The following ZSCAN1 variants were observed in gnomAD, a reference collection of about 807,000 sequenced individuals.
ZSCAN1 encodes zinc finger and SCAN domain containing 1, also known as zinc finger and SCAN domain-containing protein 1.
Under a neutral mutation model 23.8 loss-of-function variants are expected in ZSCAN1, and 23 were observed. The ratio of observed to expected loss-of-function variants is 0.97; its 90% CI spans 0.70 to 1.37. ZSCAN1 has a LOEUF of 1.37. ZSCAN1 is among the 40% of genes most tolerant of loss of function. The probability of loss-of-function intolerance (pLI) is 0.00; values close to 1 mark genes in which losing one functional copy is unlikely to be tolerated. For missense variants in ZSCAN1, 575 were observed against 554.0 expected (o/e 1.04, Z -0.38); for synonymous variants, 236 against 232.3 (o/e 1.02, Z -0.15).
intron 4 of ZSCAN1, among the ~76,000 whole-genome samples, chr19:58,050,350 C>T (rs1005344429): frequency 3.3e-5 from 5 of 151,492 alleles, no homozygotes; most frequent in South Asian, 2.1e-4. Context: ...GCATAAGAAT[C>T]GCTTGAACCC....
In ZSCAN1 at chr19:58,037,920, A is replaced by G; in HGVS notation, c.84A>G (p.Pro28=). ...GTGAGCAGGACGCAGACCCTGGGCC[A>G]GCAAGCCCCAGGGACACCGAAGCCC... ...TPSEQDADPG[P]ASPRDTEAQR... Residue 28 remains proline (P), a synonymous_variant, in exon 3 of 6, where the codon CCA becomes CCG. Coordinates refer to ENST00000282326, the MANE Select transcript of ZSCAN1 (RefSeq NM_182572.4). 2.0e-6 allele frequency: 3 copies of G among 1,497,186 alleles called. No individual in the cohort carries two copies. The highest frequency in any genetic ancestry group is 2.7e-6 in the Non-Finnish European group (3 of 1,118,156). 92.7% of individuals were successfully genotyped at this position (1,497,186 alleles called of 1,614,324 possible). A position where few individuals can be genotyped will look rare whatever the true frequency, so the allele number is the denominator to read the frequency against.
chr19:58,038,126 G>A lies in ZSCAN1; in HGVS notation c.290G>A (p.Trp97Ter). 2.5e-6 allele frequency: 4 copies of A among 1,610,340 alleles called. No individual in the cohort carries two copies. Among genetic ancestry groups the A allele is most frequent in the Non-Finnish European group, 3.4e-6 (4 of 1,179,560 alleles). ...LGALPSKMRTWVQSQGPRSCR... is the reference protein window; with the variant it reads ...LGALPSKMRT The stretch of plus-strand genomic sequence containing the variant: ...GCGCTGCCCAGCAAGATGCGGACCT[G>A]GGTGCAGTCACAGGGCCCCCGAAGC... Residue 97 changes from tryptophan to a stop codon, truncating the protein, a stop_gained, in exon 3 of 6, where the codon TGG becomes TAG. Coordinates refer to ENST00000282326, the MANE Select transcript of ZSCAN1 (RefSeq NM_182572.4). LOFTEE classifies it high-confidence loss of function.
Position 58,045,640 on chromosome 19 carries a change from G to A in ZSCAN1, c.465+5096G>A. On this transcript the variant is annotated intron_variant, in intron 4 of 5. Transcript: ENST00000282326. The surrounding 1 kb of genome is among the most constrained non-coding windows in gnomAD (Gnocchi z 4.3). ...GCGGCTGCGCTCCATAAAGGCAGAG[G>A]ACAAGCTGTTTGCTGAGGAAGGGGT... 4 of 939,052 alleles carry A rather than the reference G, an allele frequency of 4.3e-6. No homozygotes were observed. In the South Asian group the frequency reaches 5.2e-5, roughly 12 times the overall value. The allele number at this position is 939,052 out of a possible 1,614,324, so 58.2% of individuals were successfully genotyped here. A position where few individuals can be genotyped will look rare whatever the true frequency, so the allele number is the denominator to read the frequency against.
At chr19:58,051,011 C>T (rs2073855670) in intron 4 of ZSCAN1, among the ~76,000 whole-genome samples, 1 of 152,140 alleles carries the variant, frequency 6.6e-6, no homozygotes, top group African/African-American at 2.4e-5. Flanking sequence ...GATGTGTTTG[C>T]ATTTGAAGGT....
chr19:58,044,596 C>T lies in ZSCAN1; in HGVS notation c.465+4052C>T, dbSNP rs371577419. On this transcript the variant is annotated intron_variant, in intron 4 of 5. Coordinates refer to ENST00000282326, the MANE Select transcript of ZSCAN1 (RefSeq NM_182572.4). ...CCGCCACGCCCGGACACACGGCGTC[C>T]ATCTTAATGAGGAGCTGCCGCGGCT... 8.8e-4 allele frequency: 877 copies of T among 997,442 alleles called. 5 individuals are homozygous for T. In the African/African-American group the frequency reaches 0.012, roughly 14 times the overall value. 61.8% of individuals were successfully genotyped at this position (997,442 alleles called of 1,614,324 possible).
chr19:58,036,261 G>C (rs1433969448), intron 2 of ZSCAN1, among the ~76,000 whole-genome samples: 1 of 152,114 alleles, frequency 6.6e-6, no homozygotes, highest in Non-Finnish European at 1.5e-5. Flanking sequence ...AGTGAATCTT[G>C]GTGCCTGAAT....
intron 4 of ZSCAN1, chr19:58,046,373 C>T: frequency 1.1e-6 from 1 of 916,850 alleles, no homozygotes. Flanking sequence ...GGATCTAAAG[C>T]CAGCAAGAGA....
chr19:58,055,368 C>G (rs559632569), downstream of ZSCAN1, among the ~76,000 whole-genome samples: 12 of 152,182 alleles, frequency 7.9e-5, no homozygotes, highest in African/African-American at 2.9e-4. Context: ...CTTGCCTTCT[C>G]GGAGCGCCCC....
In ZSCAN1 at chr19:58,040,603, G is replaced by C; in HGVS notation, c.465+59G>C. ...ACCCCAGGGCATGCGTGCCGCTTCT[G>C]GGACGGCCTCAAGGATGCCCCATCC... On this transcript the variant is annotated intron_variant, in intron 4 of 5. Transcript: ENST00000282326. The surrounding 1 kb of genome is among the most constrained non-coding windows in gnomAD (Gnocchi z 5.8). The C allele has an allele frequency of 2.6e-6, 4 of 1,557,448 alleles. No homozygotes were observed. Among genetic ancestry groups the C allele is most frequent in the South Asian group, 2.2e-5 (2 of 89,742 alleles).
At chr19:58,036,663 G>C (rs1032880379) in intron 2 of ZSCAN1, among the ~76,000 whole-genome samples, 2 of 151,588 alleles carry the variant, frequency 1.3e-5, no homozygotes, top group Admixed American at 6.6e-5. Context: ...TTACAGGTGC[G>C]TGCCACCACG....
At chr19:58,044,713 G>GGGTT (rs1010449345) in intron 4 of ZSCAN1, 56 of 754,892 alleles carry the variant, frequency 7.4e-5, no homozygotes, top group Non-Finnish European at 1.3e-4. Flanking sequence ...CAGCACCCTG[G>GGGTT]GGTTGAGGAG....
rs1190984480 is a variant in ZSCAN1, at chr19:58,054,036, C to A, written c.1212C>A (p.Ala404=). Residue 404 remains alanine, a synonymous_variant, in exon 6 of 6, where the codon GCC becomes GCA. Transcript: ENST00000282326. The surrounding 1 kb of genome is among the most constrained non-coding windows in gnomAD (Gnocchi z 4.2). ...HLIDHQKLHT[A]HGHM is the part of the protein sequence containing the mutation. ...TTGACCACCAGAAGCTCCACACGGCCCACGGCCACATGTGAATGGCCAGCC... is the reference window on the plus strand; with the variant it reads ...TTGACCACCAGAAGCTCCACACGGCACACGGCCACATGTGAATGGCCAGCC... 3 of 1,522,060 alleles carry A rather than the reference C, an allele frequency of 2.0e-6. No homozygotes were observed. Among genetic ancestry groups the A allele is most frequent in the Non-Finnish European group, 8.8e-7 (1 of 1,135,004 alleles). The allele number at this position is 1,522,060 out of a possible 1,614,324, so 94.3% of individuals were successfully genotyped here.
In ZSCAN1 at chr19:58,053,757, G is replaced by C. The variant is rs1202326076; in HGVS notation, c.933G>C (p.Gln311His). 6.2e-7 allele frequency: 1 copy of C among 1,614,132 alleles called. No individual in the cohort carries two copies. The highest frequency in any genetic ancestry group is 2.2e-5 in the East Asian group (1 of 44,854). ...GGGTCACCCACTTCATCGAGCACCA[G>C]AAGACCCATCGCGAGGAAGGGCCCT... ...FTWVTHFIEH[Q>H]KTHREEGPFP... Residue 311 changes from glutamine to histidine, a missense_variant, in exon 6 of 6, where the codon CAG becomes CAC. Coordinates refer to ENST00000282326, the MANE Select transcript of ZSCAN1 (RefSeq NM_182572.4). This position sits in a 1 kb window ranked among gnomAD's most constrained non-coding sequence, Gnocchi z 5.8.
chr19:58,046,580 C>T (rs2073827824), intron 4 of ZSCAN1: 8 of 839,410 alleles, frequency 9.5e-6, no homozygotes, highest in South Asian at 2.6e-5. Flanking sequence ...AGCCTGGCCG[C>T]AGCACTGAAT....
Position 58,040,174 on chromosome 19 carries a change from G to A in ZSCAN1, c.371-276G>A, listed in dbSNP as rs548782259. ...GTGCTCGGGCCTCCCTAGTTAGTCA[G>A]TGCTGCAGTGTGTGTCCTCGTGGGC... On this transcript the variant is annotated intron_variant, in intron 3 of 5. Coordinates refer to ENST00000282326, the MANE Select transcript of ZSCAN1 (RefSeq NM_182572.4). The surrounding 1 kb of genome is among the most constrained non-coding windows in gnomAD (Gnocchi z 5.8). Among the ~76,000 whole-genome samples the A allele has an allele frequency of 1.3e-5, 2 of 152,338 alleles. No individual in the cohort carries two copies. Among genetic ancestry groups the A allele is most frequent in the African/African-American group, 2.4e-5 (1 of 41,596 alleles).
Position 58,045,646 on chromosome 19 carries a change from CTGTT to C in ZSCAN1, c.465+5105_465+5108del. ...GCGCTCCATAAAGGCAGAGGACAAG[CTGTT>C]TGCTGAGGAAGGGGTGGACAGCCTG... On this transcript the variant is annotated intron_variant, in intron 4 of 5. Transcript: ENST00000282326. This position sits in a 1 kb window ranked among gnomAD's most constrained non-coding sequence, Gnocchi z 4.3. 1 of 932,382 alleles carries C rather than the reference CTGTT, an allele frequency of 1.1e-6. No individual in the cohort carries two copies. The highest frequency in any genetic ancestry group is 1.6e-5 in the African/African-American group (1 of 62,108). 57.8% of individuals were successfully genotyped at this position (932,382 alleles called of 1,614,324 possible).
At chr19:58,043,128 G>GAC (rs1383024247) in intron 4 of ZSCAN1, among the ~76,000 whole-genome samples, 2 of 152,272 alleles carry the variant, frequency 1.3e-5, no homozygotes, top group East Asian at 3.8e-4. Flanking sequence ...GTAGGTGAGG[G>GAC]ACAGGTGGAG....
intron 3 of ZSCAN1, among the ~76,000 whole-genome samples, chr19:58,038,882 G>A (rs752408673): frequency 3.9e-5 from 6 of 152,246 alleles, no homozygotes; most frequent in South Asian, 2.1e-4. Flanking sequence ...GAGAGCAGTC[G>A]TGGCACTGTG....
At chr19:58,051,672 C>A (rs1422809369) in intron 4 of ZSCAN1, among the ~76,000 whole-genome samples, 2 of 152,224 alleles carry the variant, frequency 1.3e-5, no homozygotes, top group Admixed American at 6.5e-5. Context: ...TTTGACTCAA[C>A]ATACCTCCTC....
Sources: allele counts gnomAD v4.1 joint callset (sites outside exome capture counted in the v4.1 genomes callset), GRCh38; gene constraint gnomAD v4.1.1; non-coding constraint Gnocchi (gnomAD v3.1); transcripts MANE v1.5; gene names NCBI Gene and HGNC (gene_info 2026-07-23, HGNC 2026-07-21).